Variants in CCDC198 observed in about 807,000 individuals in gnomAD.
CCDC198 encodes the protein coiled-coil domain containing 198.
In CCDC198, 18 loss-of-function variants were observed where a neutral mutation model predicts 35.6. That is an observed-to-expected ratio of 0.51 (90% CI 0.35 to 0.75). The LOEUF (loss-of-function observed/expected upper bound fraction) is 0.75, where lower values mean the gene tolerates loss of function less well. Among genes scored for constraint, CCDC198 ranks in the 30% least tolerant of loss-of-function variants. The pLI, the probability that CCDC198 is intolerant of heterozygous loss-of-function variation, is 0.01. For missense variants in CCDC198, 365 were observed against 343.7 expected (o/e 1.06, Z -0.49); for synonymous variants, 119 against 113.4 (o/e 1.05, Z -0.31).
chr14:57,492,576 T>C (rs1286511581), intron 1 of CCDC198, among the ~76,000 whole-genome samples: 1 of 151,826 alleles, frequency 6.6e-6, no homozygotes, highest in African/African-American at 2.4e-5. Flanking sequence ...TTGAAGAACA[T>C]AAAGAACATA....
chr14:57,493,535 G>A lies in CCDC198; in HGVS notation c.181C>T (p.Leu61=). The A allele has an allele frequency of 6.2e-7, 1 of 1,613,964 alleles. No individual in the cohort carries two copies. Among genetic ancestry groups the A allele is most frequent in the Non-Finnish European group, 8.5e-7 (1 of 1,179,894 alleles). ...TACCAGTTTTCTTGTAAAGGTGGCA[G>A]CTGCCCTTCCAAGGCTTTATTCTGG... The part of the protein sequence containing the change: ...QDQNKALEGQ[L]PPLQENWYGR... Residue 61 remains leucine, a synonymous_variant, in exon 1 of 6, where the codon CTG becomes TTG. Transcript: ENST00000216445.
chr14:57,491,109 A>G, intron 1 of CCDC198, 38 bp from the exon 2 acceptor site: 1 of 1,590,890 alleles, frequency 6.3e-7, no homozygotes, highest in Non-Finnish European at 8.6e-7. Context: ...TAAAACATTA[A>G]ATATAATTTA....
chr14:57,476,469 A>G (rs2067000946), intron 5 of CCDC198, among the ~76,000 whole-genome samples: 1 of 152,168 alleles, frequency 6.6e-6, no homozygotes, highest in Non-Finnish European at 1.5e-5. Context: ...GCTTCAGCAA[A>G]GGGTAGGAGC....
At chr14:57,483,178 A>C in intron 2 of CCDC198, 27 bp from the exon 3 acceptor site, 2 of 1,614,004 alleles carry the variant, frequency 1.2e-6, no homozygotes, top group Non-Finnish European at 1.7e-6. Context: ...TAGAGCAGTC[A>C]GCATTCCTCA....
chr14:57,491,010 C>T lies in CCDC198; in HGVS notation c.285G>A (p.Arg95=), dbSNP rs938615075. The T allele has an allele frequency of 1.2e-6, 2 of 1,602,212 alleles. No individual in the cohort carries two copies. The highest frequency in any genetic ancestry group is 2.7e-5 in the African/African-American group (2 of 74,700). ...LEHRETSIIK[R]HPPQRLQKLE... is the part of the protein sequence containing the mutation. Reference sequence around the variant, plus strand: ...TTACTTGAAGTCTTTGGGGTGGATGCCTTTTAATAATACTTGTTTCTCTGT... The same window carrying T: ...TTACTTGAAGTCTTTGGGGTGGATGTCTTTTAATAATACTTGTTTCTCTGT... The change falls in exon 2 of 6, where the codon AGG becomes AGA. Residue 95 remains arginine, a synonymous_variant. Coordinates refer to ENST00000216445, the MANE Select transcript of CCDC198 (RefSeq NM_018168.4).
chr14:57,471,116 C>T lies in CCDC198; in HGVS notation c.*239G>A. 2.4e-6 allele frequency: 1 copy of T among 408,556 alleles called. No homozygotes were observed. The highest frequency in any genetic ancestry group is 4.3e-5 in the Admixed American group (1 of 23,462). The allele number at this position is 408,556 out of a possible 1,614,324, so 25.3% of individuals were successfully genotyped here. The stretch of plus-strand genomic sequence containing the variant: ...CCACCTAGCTGAACTCAGCAACCCA[C>T]AGGAAAGTGAGACAATAAAATGGCT... On this transcript the variant is annotated 3_prime_UTR_variant, in exon 6 of 6. Transcript: ENST00000216445.
chr14:57,482,414 C>T (rs780796218), intron 3 of CCDC198, among the ~76,000 whole-genome samples: 1 of 152,178 alleles, frequency 6.6e-6, no homozygotes, highest in Non-Finnish European at 1.5e-5. Context: ...CAAACGTGGG[C>T]TTGAGGATGT....
At chr14:57,486,105 G>A (rs911887883) in intron 2 of CCDC198, among the ~76,000 whole-genome samples, 1 of 152,142 alleles carries the variant, frequency 6.6e-6, no homozygotes, top group East Asian at 1.9e-4. Flanking sequence ...GCACCTATGG[G>A]AGGAAGAATC....
At chr14:57,484,308 A>G (rs1037406334) in intron 2 of CCDC198, among the ~76,000 whole-genome samples, 1 of 152,184 alleles carries the variant, frequency 6.6e-6, no homozygotes, top group Admixed American at 6.5e-5. Flanking sequence ...CTGGACACAG[A>G]CACACACACA....
At chr14:57,480,402 T>C (rs2067142020) in intron 5 of CCDC198, 193 bp downstream of exon 5, 1 of 794,824 alleles carries the variant, frequency 1.3e-6, no homozygotes, top group African/African-American at 1.9e-5. Flanking sequence ...TTACCAAGCT[T>C]AAGCTTCTGT....
chr14:57,482,133 T>C (rs2067208761), intron 3 of CCDC198, among the ~76,000 whole-genome samples: 1 of 152,302 alleles, frequency 6.6e-6, no homozygotes, highest in South Asian at 2.1e-4. Flanking sequence ...TATGCCAGCA[T>C]AAGCCTTGGA....
chr14:57,482,821 T>C (rs2067231897), intron 3 of CCDC198, among the ~76,000 whole-genome samples: 1 of 152,178 alleles, frequency 6.6e-6, no homozygotes, highest in African/African-American at 2.4e-5. Context: ...GCCCTGGTTT[T>C]CAACACAAAG....
rs192710317 is a variant in CCDC198, at chr14:57,483,910, A to C, written c.307-759T>G. Among the ~76,000 whole-genome samples, 145 of 152,366 alleles carry C rather than the reference A, an allele frequency of 9.5e-4. 1 individual carries two copies. In the South Asian group the frequency reaches 0.021, roughly 22 times the overall value. ...CTACTTAATGACTGCTACATGCCAGACATGGGGATGCAACGGTCACCAAAA... is the reference window on the plus strand; with the variant it reads ...CTACTTAATGACTGCTACATGCCAGCCATGGGGATGCAACGGTCACCAAAA... On this transcript the variant is annotated intron_variant, in intron 2 of 5. Coordinates refer to ENST00000216445, the MANE Select transcript of CCDC198 (RefSeq NM_018168.4).
At chr14:57,490,392 G>A (rs533781892) in intron 2 of CCDC198, among the ~76,000 whole-genome samples, 4 of 152,142 alleles carry the variant, frequency 2.6e-5, no homozygotes, top group South Asian at 4.1e-4. Flanking sequence ...CCAGTGTCCC[G>A]AATTTAAACA....
intron 2 of CCDC198, among the ~76,000 whole-genome samples, chr14:57,488,045 G>T (rs1432931370): frequency 2.2e-4 from 34 of 152,278 alleles, no homozygotes; most frequent in Non-Finnish European, 1.0e-4. Context: ...CATGAGCAAA[G>T]CTGAGCCGAT....
intron 2 of CCDC198, among the ~76,000 whole-genome samples, chr14:57,484,393 T>G (rs1471437766): frequency 6.6e-6 from 1 of 151,842 alleles, no homozygotes; most frequent in African/African-American, 2.4e-5. Context: ...CACCCAAGAG[T>G]GCCAGAAAAC....
intron 2 of CCDC198, among the ~76,000 whole-genome samples, chr14:57,489,102 A>G (rs2139552433): frequency 6.6e-6 from 1 of 152,334 alleles, no homozygotes; most frequent in South Asian, 2.1e-4. Flanking sequence ...TGTTCACAAT[A>G]GCAAAGACAT....
intron 1 of CCDC198, among the ~76,000 whole-genome samples, chr14:57,492,825 A>C (rs552415813): frequency 6.6e-6 from 1 of 152,280 alleles, no homozygotes; most frequent in South Asian, 2.1e-4. Context: ...ATGTCTGTTT[A>C]ATTATCATTG....
chr14:57,479,553 T>C (rs188290296), intron 5 of CCDC198, among the ~76,000 whole-genome samples: 15 of 152,362 alleles, frequency 9.8e-5, no homozygotes, highest in Admixed American at 8.5e-4. Context: ...GCAATCTTGA[T>C]AAAATGCAGG....
Sources: allele counts gnomAD v4.1 joint callset (sites outside exome capture counted in the v4.1 genomes callset), GRCh38; gene constraint gnomAD v4.1.1; transcripts MANE v1.5; gene names NCBI Gene and HGNC (gene_info 2026-07-23, HGNC 2026-07-21).